SPATA31H1: variants seen among roughly 807,000 people sequenced by gnomAD.
SPATA31H1 encodes the protein spermatogenesis-associated protein 31H1.
At chr2:27,565,257 A>T in the SPATA31H1 span, 2 of 687,290 alleles carry the variant, frequency 2.9e-6, no homozygotes, top group Non-Finnish European at 5.4e-6. Context: ...TCTGATATCT[A>T]AAAGGTGAGA....
At chr2:27,575,221 T>TG in the SPATA31H1 span, 1 of 398,578 alleles carries the variant, frequency 2.5e-6, no homozygotes, top group Non-Finnish European at 4.4e-6. This position sits in a 1 kb window ranked among gnomAD's most constrained non-coding sequence, Gnocchi z 4.1. Flanking sequence ...CTCTCTAAGT[T>TG]GGCCTTGGAA....
At chr2:27,554,051 T>C in the SPATA31H1 span, among the ~76,000 whole-genome samples, 1 of 152,092 alleles carries the variant, frequency 6.6e-6, no homozygotes, top group Admixed American at 6.5e-5. Flanking sequence ...AGGACCACCA[T>C]TTCTCTGTTT....
At chr2:27,576,951 CA>C in the SPATA31H1 span, 1 of 1,614,050 alleles carries the variant, frequency 6.2e-7, no homozygotes. Context: ...TAGACCAGGG[CA>C]TCAGTTTGCA....
At chr2:27,573,900 C>A in the SPATA31H1 span, 1 of 398,518 alleles carries the variant, frequency 2.5e-6, no homozygotes, top group Non-Finnish European at 4.4e-6. Flanking sequence ...TGAATTGGCT[C>A]ATCAGACAGA....
chr2:27,540,208 A>AG, the SPATA31H1 span, among the ~76,000 whole-genome samples: 2 of 99,228 alleles, frequency 2.0e-5, no homozygotes, highest in African/African-American at 7.7e-5. Flanking sequence ...ACTTCCCAGT[A>AG]GGGGCGGCCG....
the SPATA31H1 span, among the ~76,000 whole-genome samples, chr2:27,538,634 C>A: frequency 2.6e-5 from 4 of 151,878 alleles, no homozygotes; most frequent in Non-Finnish European, 4.4e-5. Flanking sequence ...GAGTTCGAGA[C>A]CAGCCTGGCC....
chr2:27,581,679 C>A, the SPATA31H1 span: 4 of 1,613,206 alleles, frequency 2.5e-6, no homozygotes, highest in Non-Finnish European at 3.4e-6. Flanking sequence ...GAGGAGCCAT[C>A]GTGGTCCCTC....
chr2:27,582,009 A>G, the SPATA31H1 span: 1 of 1,613,708 alleles, frequency 6.2e-7, no homozygotes, highest in Non-Finnish European at 8.5e-7. Flanking sequence ...CTTGGAGAGG[A>G]GCCGTCACAG....
At chr2:27,548,182 C>G in the SPATA31H1 span, among the ~76,000 whole-genome samples, 1 of 151,510 alleles carries the variant, frequency 6.6e-6, no homozygotes, top group Non-Finnish European at 1.5e-5. Flanking sequence ...GGGGTTTCAC[C>G]GTGGTCTGGA....
chr2:27,537,500 T>C, the SPATA31H1 span: 160 of 717,468 alleles, frequency 2.2e-4, 1 homozygote, highest in East Asian at 4.2e-3. Context: ...GTTTTTTTTA[T>C]TTGGCGGCTT....
At chr2:27,579,503 A>G in the SPATA31H1 span, 1 of 1,614,230 alleles carries the variant, frequency 6.2e-7, no homozygotes, top group Non-Finnish European at 8.5e-7. Flanking sequence ...CCTTAAGGAT[A>G]TGGACACGTG....
At chr2:27,582,569 C>G in the SPATA31H1 span, 15 of 1,521,024 alleles carry the variant, frequency 9.9e-6, no homozygotes, top group Non-Finnish European at 1.3e-5. Context: ...AAGTCTTCAT[C>G]GTGCTGCCCT....
the SPATA31H1 span, among the ~76,000 whole-genome samples, chr2:27,560,410 G>A: frequency 1.6e-3 from 237 of 151,448 alleles, 2 homozygotes; most frequent in African/African-American, 5.5e-3. Flanking sequence ...AATAAAATAC[G>A]ATATTTGTGA....
At chr2:27,566,769 C>T in the SPATA31H1 span, 1 of 713,240 alleles carries the variant, frequency 1.4e-6, no homozygotes, top group Non-Finnish European at 2.6e-6. Flanking sequence ...GCCTGAATCA[C>T]AGGATATGAT....
At chr2:27,541,575 G>C in the SPATA31H1 span, among the ~76,000 whole-genome samples, 1 of 141,066 alleles carries the variant, frequency 7.1e-6, no homozygotes, top group Non-Finnish European at 1.5e-5. Context: ...TTTTAACCCT[G>C]AATGACTCAC....
the SPATA31H1 span, among the ~76,000 whole-genome samples, chr2:27,564,358 T>C: frequency 6.6e-6 from 1 of 152,210 alleles, no homozygotes; most frequent in Admixed American, 6.5e-5. Flanking sequence ...CCTTGTCTTT[T>C]GCTCCTACCT....
chr2:27,578,957 C>G, the SPATA31H1 span: 1 of 1,613,836 alleles, frequency 6.2e-7, no homozygotes, highest in Non-Finnish European at 8.5e-7. Context: ...TTCCTTTGGC[C>G]CTTCATAATC....
the SPATA31H1 span, chr2:27,571,645 A>T: frequency 2.5e-6 from 1 of 398,520 alleles, no homozygotes; most frequent in Admixed American, 4.4e-5. Context: ...GAGACGCTTC[A>T]AAGGCCTCAG....
the SPATA31H1 span, chr2:27,573,678 T>C: frequency 5.0e-6 from 2 of 398,488 alleles, no homozygotes; most frequent in East Asian, 7.1e-5. Flanking sequence ...TGTGAAATCT[T>C]CTGAGTTGAC....
Sources: gnomAD v4.1 joint callset for allele counts (sites outside exome capture counted in the v4.1 genomes callset) on GRCh38, gnomAD v4.1.1 for gene constraint, Gnocchi (gnomAD v3.1) non-coding constraint, MANE v1.5 for transcripts, NCBI Gene and HGNC (gene_info 2026-07-23, HGNC 2026-07-21) for gene names.